The following RBFOX1 variants were observed in gnomAD, a reference collection of about 807,000 sequenced individuals.
The protein encoded by RBFOX1 is RNA binding fox-1 homolog 1.
In RBFOX1, 8 loss-of-function variants were observed where a neutral mutation model predicts 57.7. The observed-to-expected ratio is 0.14, with a 90% CI of 0.08 to 0.25. The LOEUF is 0.25. RBFOX1 is among the 10% of genes least tolerant of loss of function. The pLI, the probability that RBFOX1 is intolerant of heterozygous loss-of-function variation, is 1.00. For missense variants in RBFOX1, 611 were observed against 548.5 expected (o/e 1.11, Z -1.14); for synonymous variants, 326 against 222.4 (o/e 1.47, Z -4.15).
intron 4 of RBFOX1, among the ~76,000 whole-genome samples, chr16:7,063,511 C>T (rs778920382): frequency 3.5e-4 from 53 of 152,262 alleles, no homozygotes; most frequent in Non-Finnish European, 2.2e-4. Context: ...GGATCAGATT[C>T]TGGAGATGGA....
At chr16:6,051,052 A>C (rs969213356) in intron 1 of RBFOX1, among the ~76,000 whole-genome samples, 2 of 149,008 alleles carry the variant, frequency 1.3e-5, no homozygotes, top group African/African-American at 5.0e-5. Flanking sequence ...CACACCTGAA[A>C]TAATCCATTT....
intron 3 of RBFOX1, among the ~76,000 whole-genome samples, chr16:6,802,693 T>G (rs1263085901): frequency 6.6e-6 from 1 of 152,108 alleles, no homozygotes; most frequent in Non-Finnish European, 1.5e-5. Context: ...ACAAAAAAAG[T>G]GCATGTTATT....
intron 5 of RBFOX1, among the ~76,000 whole-genome samples, chr16:7,572,578 G>A (rs1270564368): frequency 1.3e-5 from 2 of 152,170 alleles, no homozygotes; most frequent in African/African-American, 4.8e-5. Context: ...GGTGGCTCAC[G>A]CCTGTAATCC....
At chr16:7,440,433 C>A (rs962961468) in intron 4 of RBFOX1, among the ~76,000 whole-genome samples, 1 of 152,070 alleles carries the variant, frequency 6.6e-6, no homozygotes, top group Admixed American at 6.6e-5. Context: ...GCCTATGTCC[C>A]TTTGTATGTC....
Position 7,333,086 on chromosome 16 carries a change from C to T in RBFOX1, c.28-185061C>T, listed in dbSNP as rs754561652. On this transcript the variant is annotated intron_variant, in intron 4 of 15. Coordinates refer to ENST00000550418, the MANE Select transcript of RBFOX1 (RefSeq NM_018723.4). ...AGCTCCTTACCTTCCTGGACTGATT[C>T]AGGTAATTCAAGGCCTCTGCCAGCC... The T allele has an allele frequency of 6.2e-7, 1 of 1,613,600 alleles. No homozygotes were observed. Among genetic ancestry groups the T allele is most frequent in the Non-Finnish European group, 8.5e-7 (1 of 1,179,676 alleles).
At chr16:7,561,826 G>A (rs972970314) in intron 5 of RBFOX1, among the ~76,000 whole-genome samples, 9 of 152,200 alleles carry the variant, frequency 5.9e-5, no homozygotes, top group Non-Finnish European at 1.2e-4. Flanking sequence ...TGGGAAATTA[G>A]CATAACGTAT....
intron 4 of RBFOX1, among the ~76,000 whole-genome samples, chr16:7,411,564 T>A (rs539129783): frequency 6.6e-6 from 1 of 152,112 alleles, no homozygotes; most frequent in South Asian, 2.1e-4. Flanking sequence ...CAACTTCCAG[T>A]TGAGGGACAT....
chr16:6,256,180 T>TGTATATATATGTATAC, intron 1 of RBFOX1, among the ~76,000 whole-genome samples: 1 of 34,310 alleles, frequency 2.9e-5, no homozygotes, highest in Middle Eastern at 0.011. Flanking sequence ...TGTATATATA[T>TGTATATATATGTATAC]ATATACGTAT....
intron 3 of RBFOX1, among the ~76,000 whole-genome samples, chr16:6,686,804 C>G (rs1233770959): frequency 6.6e-6 from 1 of 152,196 alleles, no homozygotes; most frequent in Non-Finnish European, 1.5e-5. Flanking sequence ...CATCAAGAAA[C>G]CCACAGATTG....
chr16:7,488,200 T>A (rs1215797289), intron 4 of RBFOX1, among the ~76,000 whole-genome samples: 2 of 152,274 alleles, frequency 1.3e-5, no homozygotes, highest in Non-Finnish European at 1.5e-5. Context: ...AGCGTGCTCA[T>A]CCCTGCAGGA....
At chr16:6,888,914 C>T (rs935856530) in intron 3 of RBFOX1, among the ~76,000 whole-genome samples, 3 of 152,150 alleles carry the variant, frequency 2.0e-5, no homozygotes, top group African/African-American at 7.2e-5. Context: ...ATTCATTCTC[C>T]TGCCAAGCAG....
chr16:7,543,228 C>T (rs1052223938), intron 5 of RBFOX1, among the ~76,000 whole-genome samples: 1 of 152,162 alleles, frequency 6.6e-6, no homozygotes, highest in Non-Finnish European at 1.5e-5. Context: ...ATGGTTTTAA[C>T]AAGTATTTTA....
chr16:5,728,570 G>A (rs11866541), intron 3 of RBFOX1, among the ~76,000 whole-genome samples: 3,702 of 152,178 alleles, frequency 0.024, 133 homozygotes, highest in African/African-American at 0.082. Flanking sequence ...AGGGAAAGGC[G>A]GGAACACCAT....
chr16:5,934,324 T>C (rs2059126300), intron 4 of RBFOX1, among the ~76,000 whole-genome samples: 1 of 152,248 alleles, frequency 6.6e-6, no homozygotes, highest in Admixed American at 6.5e-5. Flanking sequence ...ACCCAGCTCA[T>C]TGTGTTTATT....
chr16:6,622,436 C>G (rs1011188285), intron 2 of RBFOX1, among the ~76,000 whole-genome samples: 1 of 152,118 alleles, frequency 6.6e-6, no homozygotes, highest in Admixed American at 6.5e-5. Context: ...ACAAGCTGTA[C>G]AGGCTTGTAG....
intron 4 of RBFOX1, among the ~76,000 whole-genome samples, chr16:7,228,465 A>G (rs1312949214): frequency 6.6e-6 from 1 of 152,198 alleles, no homozygotes; most frequent in Non-Finnish European, 1.5e-5. Context: ...GCTATTCTAA[A>G]TAGGTGTTCT....
intron 3 of RBFOX1, among the ~76,000 whole-genome samples, chr16:7,015,508 T>A (rs552843239): frequency 6.6e-6 from 1 of 152,144 alleles, no homozygotes; most frequent in African/African-American, 2.4e-5. Context: ...GGAAAAAGTG[T>A]TTTTCCCTTC....
At chr16:6,036,839 A>G (rs1030011450) in intron 1 of RBFOX1, among the ~76,000 whole-genome samples, 1 of 152,228 alleles carries the variant, frequency 6.6e-6, no homozygotes, top group African/African-American at 2.4e-5. Context: ...TAAAAATCAC[A>G]TTCTCAAAGT....
At chr16:6,131,912 A>T (rs756190112) in intron 1 of RBFOX1, among the ~76,000 whole-genome samples, 1 of 152,218 alleles carries the variant, frequency 6.6e-6, no homozygotes, top group Non-Finnish European at 1.5e-5. Flanking sequence ...TTCACAAAAC[A>T]CTTTGTATGC....
Sources: gnomAD v4.1 joint callset for allele counts (sites outside exome capture counted in the v4.1 genomes callset) on GRCh38, gnomAD v4.1.1 for gene constraint, MANE v1.5 for transcripts, NCBI Gene and HGNC (gene_info 2026-07-23, HGNC 2026-07-21) for gene names.